Variants in PCDH9 observed in about 807,000 individuals in gnomAD.
The protein encoded by PCDH9 is protocadherin-9.
In PCDH9, 24 loss-of-function variants were observed where a neutral mutation model predicts 70.6. That is an observed-to-expected ratio of 0.34 (90% CI 0.25 to 0.48). The LOEUF (loss-of-function observed/expected upper bound fraction) is 0.48, where lower values mean the gene tolerates loss of function less well. PCDH9 is among the 20% of genes least tolerant of loss of function. PCDH9 has a pLI of 0.99. For missense variants in PCDH9, 1,281 were observed against 1,503.6 expected (o/e 0.85, Z 2.45); for synonymous variants, 562 against 558.5 (o/e 1.01, Z -0.09).
intron 3 of PCDH9, among the ~76,000 whole-genome samples, chr13:66,897,036 G>A (rs1353466309): frequency 6.6e-6 from 1 of 152,226 alleles, no homozygotes; most frequent in East Asian, 1.9e-4. Flanking sequence ...CTTGCATCTT[G>A]AGTATCTCTT....
chr13:67,177,706 A>G (rs959051170), intron 2 of PCDH9, among the ~76,000 whole-genome samples: 2 of 151,986 alleles, frequency 1.3e-5, no homozygotes, highest in Admixed American at 1.3e-4. Flanking sequence ...TTCAAATACT[A>G]TTTGTTACCA....
intron 2 of PCDH9, among the ~76,000 whole-genome samples, chr13:67,065,115 G>T (rs1168563086): frequency 1.3e-5 from 2 of 152,054 alleles, no homozygotes; most frequent in African/African-American, 4.8e-5. Context: ...AGAGGATTTG[G>T]TATCTTGTCA....
At chr13:66,702,720 T>G (rs1337114448) in intron 3 of PCDH9, among the ~76,000 whole-genome samples, 1 of 152,192 alleles carries the variant, frequency 6.6e-6, no homozygotes, top group African/African-American at 2.4e-5. Context: ...ATACAATTTT[T>G]GTCAAGTATA....
rs186516435 is a variant in PCDH9 at position 66,581,082 on chromosome 13, G to A, written c.3340+50128C>T. On this transcript the variant is annotated intron_variant, in intron 4 of 4. Transcript: ENST00000377865. ...AGTCTTTACACCCATTTTTGAAAAT[G>A]CTATGAGAGCTACTAAACTTTACCA... 5.3e-5 allele frequency among the ~76,000 whole-genome samples: 8 copies of A among 152,184 alleles called. No homozygotes were observed. In the East Asian group the frequency reaches 1.5e-3, roughly 29 times the overall value.
intron 4 of PCDH9, among the ~76,000 whole-genome samples, chr13:66,496,375 G>A (rs978091407): frequency 3.9e-5 from 6 of 152,054 alleles, no homozygotes; most frequent in Non-Finnish European, 8.8e-5. Context: ...TTTTCATGTA[G>A]CTACTGATTG....
At chr13:66,875,547 G>A (rs1015424720) in intron 3 of PCDH9, among the ~76,000 whole-genome samples, 2 of 152,082 alleles carry the variant, frequency 1.3e-5, no homozygotes, top group African/African-American at 2.4e-5. Flanking sequence ...TTTTCTACAC[G>A]AGAGAGTTTG....
intron 2 of PCDH9, among the ~76,000 whole-genome samples, chr13:67,197,846 CCT>C (rs942619887): frequency 6.6e-6 from 1 of 151,572 alleles, no homozygotes; most frequent in Admixed American, 6.6e-5. Flanking sequence ...TTTTAAAAAT[CCT>C]CTTAAATGTA....
Position 66,556,124 on chromosome 13 carries a change from GC to G in PCDH9, c.3340+75085del, listed in dbSNP as rs1394858705. Among the ~76,000 whole-genome samples, 3 of 151,660 alleles carry G rather than the reference GC, an allele frequency of 2.0e-5. No homozygotes were observed. The East Asian group carries it at 5.8e-4, about 29-fold the overall frequency. Reference sequence around the variant, plus strand: ...TTATTGATTATCCTCTTCATTATATGCTGCATTTTTCTGCATCTTTGGGTGC... The same window carrying G: ...TTATTGATTATCCTCTTCATTATATGTGCATTTTTCTGCATCTTTGGGTGC... On this transcript the variant is annotated intron_variant, in intron 4 of 4. Transcript: ENST00000377865.
chr13:66,702,628 G>A (rs963539385), intron 3 of PCDH9, among the ~76,000 whole-genome samples: 6 of 152,072 alleles, frequency 3.9e-5, no homozygotes, highest in African/African-American at 9.7e-5. Flanking sequence ...GTGAGGTCAC[G>A]GAGAAGTTAA....
chr13:66,974,648 T>C (rs963322456), intron 2 of PCDH9, among the ~76,000 whole-genome samples: 4 of 152,070 alleles, frequency 2.6e-5, no homozygotes, highest in African/African-American at 9.7e-5. Context: ...GTTTGTGACC[T>C]ACTCTATGCG....
At chr13:66,867,168 G>C (rs971731690) in intron 3 of PCDH9, among the ~76,000 whole-genome samples, 7 of 152,000 alleles carry the variant, frequency 4.6e-5, no homozygotes, top group African/African-American at 1.7e-4. Context: ...TTATCTCTCA[G>C]GTCCTAAGGA....
chr13:67,137,238 C>T (rs1056865037), intron 2 of PCDH9, among the ~76,000 whole-genome samples: 1 of 152,014 alleles, frequency 6.6e-6, no homozygotes, highest in African/African-American at 2.4e-5. Flanking sequence ...TTTGTCATTC[C>T]TGTGAAGAGC....
intron 4 of PCDH9, among the ~76,000 whole-genome samples, chr13:66,421,421 T>A (rs1157272869): frequency 6.6e-6 from 1 of 152,082 alleles, no homozygotes; most frequent in Non-Finnish European, 1.5e-5. Context: ...TAAGGGCAGC[T>A]AGGGAAAAAG....
At chr13:66,862,368 C>T (rs574488081) in intron 3 of PCDH9, among the ~76,000 whole-genome samples, 1 of 152,258 alleles carries the variant, frequency 6.6e-6, no homozygotes, top group African/African-American at 2.4e-5. Context: ...GGTTGTAAAG[C>T]ATGATATGTC....
chr13:66,633,814 A>G (rs1196858525), intron 3 of PCDH9, among the ~76,000 whole-genome samples: 5 of 152,214 alleles, frequency 3.3e-5, no homozygotes, highest in Non-Finnish European at 4.4e-5. Context: ...ATTTTTTAAC[A>G]TAGTTAACAC....
At chr13:66,625,655 A>G (rs2077488495) in intron 4 of PCDH9, among the ~76,000 whole-genome samples, 1 of 115,260 alleles carries the variant, frequency 8.7e-6, no homozygotes, top group Admixed American at 1.3e-4. Context: ...GCCAACATAT[A>G]GTGGAATTTT....
At chr13:66,983,016 T>C (rs977311383) in intron 2 of PCDH9, among the ~76,000 whole-genome samples, 3 of 152,168 alleles carry the variant, frequency 2.0e-5, no homozygotes, top group African/African-American at 7.2e-5. Flanking sequence ...AAAATGTTTA[T>C]AAAAGTTCTG....
intron 4 of PCDH9, among the ~76,000 whole-genome samples, chr13:66,422,991 T>C (rs1284967795): frequency 2.6e-5 from 4 of 151,870 alleles, no homozygotes; most frequent in South Asian, 2.1e-4. Flanking sequence ...CACTGATCCC[T>C]AGCAATACAA....
chr13:66,455,000 A>T (rs754819388), intron 4 of PCDH9, among the ~76,000 whole-genome samples: 1 of 152,052 alleles, frequency 6.6e-6, no homozygotes, highest in African/African-American at 2.4e-5. Context: ...TTATAAAAAA[A>T]ATTACTTGAG....
Sources: gnomAD v4.1 joint callset for allele counts (sites outside exome capture counted in the v4.1 genomes callset) on GRCh38, gnomAD v4.1.1 for gene constraint, MANE v1.5 for transcripts, NCBI Gene and HGNC (gene_info 2026-07-23, HGNC 2026-07-21) for gene names.